The following LINGO1 variants were observed in gnomAD, a reference collection of about 807,000 sequenced individuals.
LINGO1 encodes the protein leucine-rich repeat and immunoglobulin-like domain-containing nogo receptor-interacting protein 1.
In LINGO1, 11 loss-of-function variants were observed where a neutral mutation model predicts 37.3. The ratio of observed to expected loss-of-function variants is 0.29; its 90% confidence interval spans 0.19 to 0.49. The LOEUF is 0.49. Ranked by LOEUF, LINGO1 falls within the 20% of genes least tolerant of loss-of-function variation. The probability of loss-of-function intolerance (pLI) is 0.99; values close to 1 mark genes in which losing one functional copy is unlikely to be tolerated. For synonymous variants in LINGO1, 387 were observed against 403.0 expected (o/e 0.96, Z 0.48); for missense variants, 585 against 878.2 (o/e 0.67, Z 4.22).
At chr15:77,697,649 G>C (rs1186219869), upstream of LINGO1, among the ~76,000 whole-genome samples, 1 of 152,222 alleles carries the variant, frequency 6.6e-6, no homozygotes, top group Non-Finnish European at 1.5e-5. Context: ...CAAACACCCT[G>C]AGCAGGGTGT....
At chr15:77,693,235 GC>G (rs2075635587) in intron 1 of LINGO1, among the ~76,000 whole-genome samples, 1 of 152,160 alleles carries the variant, frequency 6.6e-6, no homozygotes, top group South Asian at 2.1e-4. Context: ...TATTATAGGG[GC>G]TAGGATTCAC....
intron 3 of LINGO1, among the ~76,000 whole-genome samples, chr15:77,657,070 G>A (rs1449664152): frequency 6.6e-6 from 1 of 152,222 alleles, no homozygotes; most frequent in East Asian, 1.9e-4. Context: ...CTTGGTTTTC[G>A]AGGACAGTTG....
At chr15:77,740,442 C>T (rs529983357) in intron 1 of LINGO1, among the ~76,000 whole-genome samples, 1 of 152,300 alleles carries the variant, frequency 6.6e-6, no homozygotes, top group South Asian at 2.1e-4. Context: ...AGATGCAGCA[C>T]AAATGTTGCC....
At chr15:77,644,510 G>A (rs557570063) in intron 3 of LINGO1, among the ~76,000 whole-genome samples, 3 of 152,302 alleles carry the variant, frequency 2.0e-5, no homozygotes, top group East Asian at 1.9e-4. Flanking sequence ...TGGTATTTCC[G>A]TCACCTGGGA....
At chr15:77,619,447 G>C (rs1407316676) in intron 1 of LINGO1, among the ~76,000 whole-genome samples, 1 of 152,098 alleles carries the variant, frequency 6.6e-6, no homozygotes, top group African/African-American at 2.4e-5. Flanking sequence ...CTACTCAGGA[G>C]GTTGAGGCAG....
At chr15:77,661,805 C>T (rs2074999987) in intron 3 of LINGO1, among the ~76,000 whole-genome samples, 1 of 152,234 alleles carries the variant, frequency 6.6e-6, no homozygotes, top group South Asian at 2.1e-4. Flanking sequence ...CAGGGACAGG[C>T]CAGCCCTCTA....
intron 3 of LINGO1, among the ~76,000 whole-genome samples, chr15:77,645,727 C>T (rs1339705820): frequency 6.6e-6 from 1 of 152,234 alleles, no homozygotes; most frequent in East Asian, 1.9e-4. Context: ...GCTCCAGACC[C>T]GCTTTAGAAG....
intron 1 of LINGO1, chr15:77,784,652 T>G (rs554091868): frequency 1.3e-5 from 2 of 152,308 alleles, no homozygotes; most frequent in African/African-American, 4.8e-5. Context: ...TTCATTGTTT[T>G]GAGGAGCTCA....
intron 3 of LINGO1, among the ~76,000 whole-genome samples, chr15:77,664,170 T>TGTGTGTGTGTGTGTGTGTGTGTGCGCGC: frequency 1.3e-4 from 17 of 131,006 alleles, no homozygotes; most frequent in African/African-American, 6.2e-4. Context: ...TGTGTGTGTG[T>TGTGTGTGTGTGTGTGTGTGTGTGCGCGC]GCGCGCGCGC....
intron 1 of LINGO1, among the ~76,000 whole-genome samples, chr15:77,735,745 C>T (rs28558809): frequency 0.12 from 18,927 of 152,190 alleles, 1,526 homozygotes; most frequent in African/African-American, 0.22. Flanking sequence ...GCTGATGCTG[C>T]TGGTTGGGGA....
rs756089520 is a variant in LINGO1, at chr15:77,615,766, C to T, written c.141G>A (p.Glu47=). The T allele has an allele frequency of 1.3e-5, 20 of 1,578,916 alleles. No homozygotes were observed. In the South Asian group the frequency reaches 2.1e-4, roughly 16 times the overall value. Residue 47 remains glutamate (E), a synonymous_variant, in exon 2 of 2, where the codon GAG becomes GAA. Transcript: ENST00000355300. The part of the protein sequence containing the change: ...GSATGCPPRC[E]CSAQDRAVLC... ...GCACAGCGCGGTCCTGGGCGGAGCA[C>T]TCGCAGCGGGGCGGGCAGCCCGTGG...
chr15:77,749,668 T>G (rs1489760237), intron 1 of LINGO1, among the ~76,000 whole-genome samples: 2 of 152,206 alleles, frequency 1.3e-5, no homozygotes, highest in Non-Finnish European at 2.9e-5. Flanking sequence ...TGCTGCCCAG[T>G]GAAGCTGCTC....
chr15:77,670,944 G>C (rs1177255474), intron 3 of LINGO1, among the ~76,000 whole-genome samples: 1 of 152,220 alleles, frequency 6.6e-6, no homozygotes, highest in African/African-American at 2.4e-5. Flanking sequence ...CCCAGGCCCT[G>C]TCTATCATCC....
chr15:77,614,754 A>G lies in LINGO1; in HGVS notation c.1153T>C (p.Trp385Arg). 1 of 1,607,216 alleles carries G rather than the reference A, an allele frequency of 6.2e-7. No individual in the cohort carries two copies. The highest frequency in any genetic ancestry group is 8.5e-7 in the Non-Finnish European group (1 of 1,176,912). Residue 385 changes from tryptophan to arginine, a missense_variant, in exon 2 of 2, where the codon TGG (tryptophan) becomes CGG (arginine). This residue lies in a region of LINGO1 where 484 missense variants were observed against 735.0 expected (regional missense o/e 0.66). Transcript: ENST00000355300. ...TGCTGCCGGTTGAAGTTGAGCCGCC[A>G]GCGGCGCCGGAACACCCACAGGAGC... ...CRLLWVFRRR[W>R]RLNFNRQQPT...
chr15:77,756,290 G>C (rs1043193604), intron 1 of LINGO1, among the ~76,000 whole-genome samples: 14 of 152,230 alleles, frequency 9.2e-5, no homozygotes, highest in Non-Finnish European at 2.1e-4. Context: ...CTCTCATTAA[G>C]GTCCACAAGG....
At chr15:77,774,956 G>A (rs540110907) in intron 1 of LINGO1, among the ~76,000 whole-genome samples, 2 of 152,298 alleles carry the variant, frequency 1.3e-5, no homozygotes, top group Admixed American at 1.3e-4. Flanking sequence ...AACAGCTCCA[G>A]CTAAATTCAC....
chr15:77,646,406 TG>T, intron 3 of LINGO1: 2 of 443,376 alleles, frequency 4.5e-6, no homozygotes, highest in South Asian at 3.2e-5. Context: ...TCTGTCATGG[TG>T]ATCAAGACGG....
At chr15:77,632,998 C>T (rs1596019406), upstream of LINGO1, among the ~76,000 whole-genome samples, 1 of 151,164 alleles carries the variant, frequency 6.6e-6, no homozygotes. The surrounding 1 kb of genome is among the most constrained non-coding windows in gnomAD (Gnocchi z 6.0). Flanking sequence ...GAAGGCGCGG[C>T]CGCAAAACCT....
At chr15:77,659,244 C>A (rs76826838) in intron 3 of LINGO1, among the ~76,000 whole-genome samples, 1,700 of 152,228 alleles carry the variant, frequency 0.011, 14 homozygotes, top group Non-Finnish European at 0.02. Flanking sequence ...CCCTTTCCTG[C>A]CGTCCCCAGA....
Sources: gnomAD v4.1 joint callset for allele counts (sites outside exome capture counted in the v4.1 genomes callset) on GRCh38, gnomAD v4.1.1 for gene constraint, gnomAD v4.1.1 regional missense constraint, Gnocchi (gnomAD v3.1) non-coding constraint, MANE v1.5 for transcripts, NCBI Gene and HGNC (gene_info 2026-07-23, HGNC 2026-07-21) for gene names.